Variants in SLC39A11 observed in about 807,000 individuals in gnomAD.
The protein encoded by SLC39A11 is zinc transporter ZIP11.
SLC39A11 carries 33 observed loss-of-function variants against 36.1 expected under a neutral mutation model. The ratio of observed to expected loss-of-function variants is 0.91; its 90% CI spans 0.69 to 1.22. The LOEUF is 1.22. SLC39A11 is among the 50% of genes most tolerant of loss of function. SLC39A11 has a pLI of 0.00. For synonymous variants in SLC39A11, 166 were observed against 170.3 expected, an observed-to-expected ratio of 0.97 and a Z score of 0.20; for missense variants, 432 against 430.3, an observed-to-expected ratio of 1.00 and a Z score of -0.03.
At chr17:72,907,148 A>G (rs1324537359) in intron 5 of SLC39A11, among the ~76,000 whole-genome samples, 1 of 152,220 alleles carries the variant, frequency 6.6e-6, no homozygotes, top group Non-Finnish European at 1.5e-5. Flanking sequence ...TCCTGCTCAT[A>G]TCTCTTCCTG....
Position 73,004,163 on chromosome 17 carries a change from A to AAAAGAAAG in SLC39A11, c.306+27385_306+27392dup, listed in dbSNP as rs1268703786. 4.3e-3 allele frequency among the ~76,000 whole-genome samples: 432 copies of AAAAGAAAG among 100,290 alleles called. 9 individuals carry two copies. Among genetic ancestry groups the AAAAGAAAG allele is most frequent in the East Asian group, 0.034 (102 of 3,030 alleles). The allele number at this position is 100,290 out of a possible 152,430, so 65.8% of individuals were successfully genotyped here. A position where few individuals can be genotyped will look rare whatever the true frequency, so the allele number is the denominator to read the frequency against. On this transcript the variant is annotated intron_variant, in intron 4 of 9. Transcript: ENST00000255559. ...AGGAAGAAAGAAAGAAAGAAGGAAA[A>AAAAGAAAG]AAAGAAAGAAAGAAAGAAAGAAAGA... is the stretch of plus-strand genomic sequence containing the variant.
At chr17:72,933,957 A>G (rs1480382858) in intron 5 of SLC39A11, among the ~76,000 whole-genome samples, 1 of 152,190 alleles carries the variant, frequency 6.6e-6, no homozygotes, top group Non-Finnish European at 1.5e-5. Flanking sequence ...CTTTTTACAA[A>G]AGCGAAAGGT....
chr17:72,701,305 C>T (rs1263126375), intron 7 of SLC39A11, among the ~76,000 whole-genome samples: 7 of 152,140 alleles, frequency 4.6e-5, no homozygotes, highest in African/African-American at 7.2e-5. Context: ...AAACTAGCTC[C>T]GCTCTCCACT....
chr17:72,720,419 C>T (rs531880441), intron 7 of SLC39A11, among the ~76,000 whole-genome samples: 13 of 152,174 alleles, frequency 8.5e-5, no homozygotes, highest in African/African-American at 2.9e-4. Context: ...TAGCCAGGCA[C>T]ACTCAGAGAC....
chr17:73,062,693 C>T (rs2059885095), intron 3 of SLC39A11, among the ~76,000 whole-genome samples: 1 of 152,098 alleles, frequency 6.6e-6, no homozygotes, highest in South Asian at 2.1e-4. Flanking sequence ...TGGTCTCCAA[C>T]CTTTTTGGCA....
chr17:72,963,169 C>CTTTTTTTTTTTTTT lies in SLC39A11; in HGVS notation c.307-15308_307-15295dup, dbSNP rs5821936. Reference sequence around the variant, plus strand: ...TGGGGTATAATTCTTTTTTTCCTTTCTTTTTTTTTTTTTTTTTTTGAGATG... The same window carrying CTTTTTTTTTTTTTT: ...TGGGGTATAATTCTTTTTTTCCTTTCTTTTTTTTTTTTTTTTTTTTTTTTTTTTTTTTTGAGATG... On this transcript the variant is annotated intron_variant, in intron 4 of 9. Transcript: ENST00000255559. Among the ~76,000 whole-genome samples the CTTTTTTTTTTTTTT allele has an allele frequency of 1.7e-5, 2 of 114,552 alleles. 1 individual carries two copies. The highest frequency in any genetic ancestry group is 3.3e-5 in the Non-Finnish European group (2 of 60,296). The allele number at this position is 114,552 out of a possible 152,430, so 75.2% of individuals were successfully genotyped here.
chr17:73,014,520 A>G (rs1419630333), intron 4 of SLC39A11, among the ~76,000 whole-genome samples: 1 of 152,206 alleles, frequency 6.6e-6, no homozygotes, highest in Non-Finnish European at 1.5e-5. Flanking sequence ...TTAGTCGGTC[A>G]TGTTAACATG....
In SLC39A11 at chr17:72,673,786, C is replaced by T. The variant is rs558074394; in HGVS notation, c.672-24518G>A. Among the ~76,000 whole-genome samples, 27 of 152,208 alleles carry T rather than the reference C, an allele frequency of 1.8e-4. No homozygotes were observed. The South Asian group carries it at 5.0e-3, about 28-fold the overall frequency. On this transcript the variant is annotated intron_variant, in intron 7 of 9. Coordinates refer to ENST00000255559, the MANE Select transcript of SLC39A11 (RefSeq NM_139177.4). ...AGTTATTCAAGAAGGGAAACTTGGC[C>T]GGGCACAGTGGCTCACACCTGTAAT...
chr17:72,900,701 C>G (rs1433765553), intron 5 of SLC39A11, among the ~76,000 whole-genome samples: 1 of 152,088 alleles, frequency 6.6e-6, no homozygotes, highest in Admixed American at 6.6e-5. Flanking sequence ...TGGTAAGTAA[C>G]TAGGAATGAT....
At chr17:72,961,511 G>A (rs1458554200) in intron 4 of SLC39A11, among the ~76,000 whole-genome samples, 1 of 151,786 alleles carries the variant, frequency 6.6e-6, no homozygotes, top group Non-Finnish European at 1.5e-5. Flanking sequence ...ATGACAGACT[G>A]GATTAAAAAA....
At chr17:72,983,922 C>T (rs1427065988) in intron 4 of SLC39A11, among the ~76,000 whole-genome samples, 6 of 152,128 alleles carry the variant, frequency 3.9e-5, no homozygotes, top group Admixed American at 2.6e-4. Context: ...CTGTGAAATC[C>T]CCAGATGGAT....
intron 4 of SLC39A11, among the ~76,000 whole-genome samples, chr17:72,997,611 G>C (rs915768401): frequency 6.6e-6 from 1 of 152,204 alleles, no homozygotes; most frequent in African/African-American, 2.4e-5. Context: ...ACCCAGTCAA[G>C]TGTCAAGTGT....
At chr17:72,935,873 G>C (rs1352582113) in intron 5 of SLC39A11, among the ~76,000 whole-genome samples, 1 of 151,978 alleles carries the variant, frequency 6.6e-6, no homozygotes, top group Admixed American at 6.5e-5. Context: ...ATGAGCCACT[G>C]TGCCTGGCTA....
chr17:72,664,454 A>G (rs1238710227), intron 7 of SLC39A11, among the ~76,000 whole-genome samples: 1 of 152,154 alleles, frequency 6.6e-6, no homozygotes, highest in East Asian at 1.9e-4. Flanking sequence ...TCTCTGTCAC[A>G]CCTTATATGC....
At chr17:72,924,145 CA>C (rs1192201974) in intron 5 of SLC39A11, among the ~76,000 whole-genome samples, 68 of 69,588 alleles carry the variant, frequency 9.8e-4, no homozygotes, top group African/African-American at 1.1e-3. Context: ...GACCCCGTCT[CA>C]AAAAAAAAAA....
At chr17:72,950,409 C>T (rs1241719142) in intron 4 of SLC39A11, among the ~76,000 whole-genome samples, 3 of 152,186 alleles carry the variant, frequency 2.0e-5, no homozygotes, top group East Asian at 1.9e-4. Flanking sequence ...TTGGGAAGGC[C>T]GGTCTCTCCC....
At chr17:72,832,069 A>T (rs1186825562) in intron 6 of SLC39A11, among the ~76,000 whole-genome samples, 1 of 152,212 alleles carries the variant, frequency 6.6e-6, no homozygotes, top group African/African-American at 2.4e-5. Context: ...TTGGTACAAG[A>T]TATAAGACAA....
chr17:72,780,340 T>C (rs1361122608), intron 6 of SLC39A11, among the ~76,000 whole-genome samples: 1 of 152,156 alleles, frequency 6.6e-6, no homozygotes, highest in Non-Finnish European at 1.5e-5. Context: ...TTTTCATGTC[T>C]CTGGGCTGAT....
chr17:73,050,639 T>A, intron 3 of SLC39A11, among the ~76,000 whole-genome samples: 1 of 151,978 alleles, frequency 6.6e-6, no homozygotes, highest in Non-Finnish European at 1.5e-5. Flanking sequence ...AATTTTTATA[T>A]TTTTTACTAG....
Sources: allele counts gnomAD v4.1 joint callset (sites outside exome capture counted in the v4.1 genomes callset), GRCh38; gene constraint gnomAD v4.1.1; transcripts MANE v1.5; gene names NCBI Gene and HGNC (gene_info 2026-07-23, HGNC 2026-07-21).